Variants in ADGRL3 observed in about 807,000 individuals in gnomAD.
ADGRL3 encodes the protein adhesion G protein-coupled receptor L3, also known as calcium-independent alpha-latrotoxin receptor 3.
Under a neutral mutation model 153.5 loss-of-function variants are expected in ADGRL3, and 62 were observed. That is an observed-to-expected ratio of 0.40 (90% CI 0.33 to 0.50). The LOEUF is 0.50. Among genes scored for constraint, ADGRL3 ranks in the 20% least tolerant of loss-of-function variants. The pLI is 0.47. For synonymous variants in ADGRL3, 710 were observed against 672.5 expected, an observed-to-expected ratio of 1.06 and a Z score of -0.86; for missense variants, 1,641 against 1,859.4, an observed-to-expected ratio of 0.88 and a Z score of 2.16.
At chr4:61,522,191 A>G (rs1235414309) in intron 4 of ADGRL3, among the ~76,000 whole-genome samples, 1 of 152,110 alleles carries the variant, frequency 6.6e-6, no homozygotes, top group African/African-American at 2.4e-5. Flanking sequence ...CAATGTTCCA[A>G]TGCAAAATTT....
chr4:61,733,630 A>G (rs2151827812), intron 8 of ADGRL3, 76 bp downstream of exon 8: 2 of 1,078,174 alleles, frequency 1.9e-6, no homozygotes, highest in African/African-American at 1.6e-5. Flanking sequence ...TTATGTTTTT[A>G]TTAAACTTTA....
Position 62,044,437 on chromosome 4 carries a change from CT to C in ADGRL3, c.3718-12del. ...CATCATGAGTTCATTTTCTTTCTGC[CT>C]TTTCCCCCACCCAGAGCCGAATCCG... On this transcript the variant is annotated splice_polypyrimidine_tract_variant and intron_variant, in intron 24 of 26. Coordinates refer to ENST00000683033, the MANE Select transcript of ADGRL3 (RefSeq NM_001387552.1). 8 of 1,555,642 alleles carry C rather than the reference CT, an allele frequency of 5.1e-6. No individual in the cohort carries two copies. Among genetic ancestry groups the C allele is most frequent in the South Asian group, 1.2e-5 (1 of 84,610 alleles).
chr4:61,367,157 C>T (rs935660061), intron 1 of ADGRL3, among the ~76,000 whole-genome samples: 1 of 151,506 alleles, frequency 6.6e-6, no homozygotes, highest in Non-Finnish European at 1.5e-5. Context: ...GGAATTTTGC[C>T]AAACATTAGA....
chr4:61,753,178 C>T (rs1027228995), intron 8 of ADGRL3, among the ~76,000 whole-genome samples: 2 of 150,058 alleles, frequency 1.3e-5, no homozygotes, highest in African/African-American at 4.9e-5. Context: ...CCTCCCCGAA[C>T]TCCTCTAGAT....
chr4:61,976,500 A>T (rs1465883987), intron 17 of ADGRL3, among the ~76,000 whole-genome samples: 1 of 152,182 alleles, frequency 6.6e-6, no homozygotes, highest in African/African-American at 2.4e-5. Context: ...TAAGGGGAAA[A>T]TAATGCAAGA....
At chr4:61,956,224 T>C (rs920068907) in intron 17 of ADGRL3, among the ~76,000 whole-genome samples, 4 of 152,128 alleles carry the variant, frequency 2.6e-5, no homozygotes, top group African/African-American at 9.7e-5. Context: ...TTTTAATAAT[T>C]GCCATTCTGA....
intron 6 of ADGRL3, among the ~76,000 whole-genome samples, chr4:61,701,868 A>G (rs1027883713): frequency 2.0e-5 from 3 of 152,294 alleles, no homozygotes; most frequent in Non-Finnish European, 4.4e-5. Flanking sequence ...AGATTCTAGA[A>G]GAAAAGTCTT....
chr4:61,296,265 A>C (rs2150254484), intron 1 of ADGRL3, among the ~76,000 whole-genome samples: 1 of 152,310 alleles, frequency 6.6e-6, no homozygotes, highest in African/African-American at 2.4e-5. Flanking sequence ...ATGAAAAATC[A>C]GAATCAGAAC....
intron 1 of ADGRL3, among the ~76,000 whole-genome samples, chr4:61,206,369 A>G (rs1441334779): frequency 6.6e-6 from 1 of 152,362 alleles, no homozygotes; most frequent in South Asian, 2.1e-4. Context: ...CAAAACTTCC[A>G]TGTCAGTTAC....
chr4:61,934,362 A>G (rs1026905704), intron 13 of ADGRL3, among the ~76,000 whole-genome samples: 1 of 152,228 alleles, frequency 6.6e-6, no homozygotes, highest in Non-Finnish European at 1.5e-5. Context: ...TATGTGAGTC[A>G]TCAACCTATA....
At chr4:61,437,373 CAT>C (rs2097461200) in intron 2 of ADGRL3, among the ~76,000 whole-genome samples, 2 of 152,100 alleles carry the variant, frequency 1.3e-5, no homozygotes, top group South Asian at 4.1e-4. Flanking sequence ...TTCAGTATAA[CAT>C]ATTACTGACA....
chr4:61,737,913 A>T (rs974791542), intron 8 of ADGRL3, among the ~76,000 whole-genome samples: 1 of 151,630 alleles, frequency 6.6e-6, no homozygotes, highest in South Asian at 2.1e-4. Flanking sequence ...TCTTTTTATC[A>T]TTCCATTTTT....
intron 1 of ADGRL3, among the ~76,000 whole-genome samples, chr4:61,343,808 TG>T (rs1375653839): frequency 1.8e-4 from 28 of 152,244 alleles, no homozygotes; most frequent in Admixed American, 1.6e-3. Context: ...ATTTGCCTAC[TG>T]AGCTTTTCAC....
chr4:61,851,881 T>G (rs1655144727), intron 9 of ADGRL3, among the ~76,000 whole-genome samples: 1 of 152,198 alleles, frequency 6.6e-6, no homozygotes, highest in African/African-American at 2.4e-5. Flanking sequence ...CAATATACGA[T>G]AATAGACTTG....
chr4:62,063,552 G>A (rs1402557902), intron 25 of ADGRL3: 1 of 699,010 alleles, frequency 1.4e-6, no homozygotes, highest in Admixed American at 2.0e-5. Context: ...TCGTCCGCAT[G>A]GTACTAACAA....
chr4:61,233,462 G>A (rs1219365391), intron 1 of ADGRL3, among the ~76,000 whole-genome samples: 4 of 152,130 alleles, frequency 2.6e-5, no homozygotes, highest in Non-Finnish European at 5.9e-5. Flanking sequence ...AAGAAGAAAA[G>A]CAGTATGAGG....
intron 4 of ADGRL3, among the ~76,000 whole-genome samples, chr4:61,531,034 T>A (rs1300192007): frequency 6.6e-6 from 1 of 152,200 alleles, no homozygotes; most frequent in Non-Finnish European, 1.5e-5. Flanking sequence ...AATATTTCCT[T>A]ACTGGTTATT....
intron 25 of ADGRL3, among the ~76,000 whole-genome samples, chr4:62,057,301 C>T (rs1252237759): frequency 6.6e-6 from 1 of 152,080 alleles, no homozygotes; most frequent in Non-Finnish European, 1.5e-5. Flanking sequence ...CTCCCAATGT[C>T]AAAACACCTA....
At chr4:61,693,581 TCCTTGACAGA>T (rs1252185387) in intron 6 of ADGRL3, among the ~76,000 whole-genome samples, 1 of 152,212 alleles carries the variant, frequency 6.6e-6, no homozygotes, top group Non-Finnish European at 1.5e-5. Context: ...AGTACTCACA[TCCTTGACAGA>T]GACAAAGTTC....
Sources: allele counts gnomAD v4.1 joint callset (sites outside exome capture counted in the v4.1 genomes callset), GRCh38; gene constraint gnomAD v4.1.1; transcripts MANE v1.5; gene names NCBI Gene and HGNC (gene_info 2026-07-23, HGNC 2026-07-21).